GREB1: variants seen among roughly 807,000 people sequenced by gnomAD.
The protein encoded by GREB1 is growth regulating estrogen receptor binding 1, also known as protein GREB1.
A neutral mutation model predicts 200.7 loss-of-function variants in GREB1; 106 were observed. The ratio of observed to expected loss-of-function variants is 0.53; its 90% CI spans 0.45 to 0.62. GREB1 has a LOEUF of 0.62. Among genes scored for constraint, GREB1 ranks in the 20% least tolerant of loss-of-function variants. GREB1 has a pLI of 0.00. For synonymous variants in GREB1, 1,132 were observed against 1,092.4 expected, an observed-to-expected ratio of 1.04 and a Z score of -0.72; for missense variants, 2,243 against 2,556.8, an observed-to-expected ratio of 0.88 and a Z score of 2.65.
At chr2:11,569,157 T>C (rs1415097976) in intron 4 of GREB1, among the ~76,000 whole-genome samples, 5 of 152,214 alleles carry the variant, frequency 3.3e-5, no homozygotes, top group Admixed American at 3.3e-4. Context: ...GTAATTTATC[T>C]AAATGGGTTG....
rs1204382039 is a variant in GREB1 at position 11,513,299 on chromosome 2, G to T, written c.-159+30918G>T. On this transcript the variant is annotated intron_variant, in intron 1 of 2. Coordinates refer to the GREB1 transcript ENST00000628795. ...GGGTGGGCGTCTCTCCCTTGTCCTTGTGTGGGAACAGTAAGGATGTGTATG... is the reference window on the plus strand; with the variant it reads ...GGGTGGGCGTCTCTCCCTTGTCCTTTTGTGGGAACAGTAAGGATGTGTATG... 2.0e-5 allele frequency among the ~76,000 whole-genome samples: 3 copies of T among 152,248 alleles called. No individual in the cohort carries two copies. The South Asian group carries it at 6.2e-4, about 32-fold the overall frequency.
chr2:11,499,853 G>C (rs1288376291), intron 1 of GREB1, among the ~76,000 whole-genome samples: 1 of 152,136 alleles, frequency 6.6e-6, no homozygotes, highest in African/African-American at 2.4e-5. Context: ...TGTCATTACT[G>C]TAAGCATTCT....
chr2:11,484,670 A>C (rs1348969079), intron 1 of GREB1, among the ~76,000 whole-genome samples: 1 of 151,954 alleles, frequency 6.6e-6, no homozygotes, highest in African/African-American at 2.4e-5. Context: ...CTGTAGTCCT[A>C]GCACTTGGAG....
rs1304177888 is a variant in GREB1, at chr2:11,548,451, T to C, written c.-161-8003T>C. Among the ~76,000 whole-genome samples, 4 of 152,228 alleles carry C rather than the reference T, an allele frequency of 2.6e-5. No individual in the cohort carries two copies. Among genetic ancestry groups the C allele is most frequent in the Non-Finnish European group, 5.9e-5 (4 of 68,048 alleles). ...TTCCAAAATAGTTATATCAAAACTT[T>C]GTTTGAATCAGCACTCACCATAGAC... On this transcript the variant is annotated intron_variant, in intron 1 of 32. Transcript: ENST00000381486. This position sits in a 1 kb window ranked among gnomAD's most constrained non-coding sequence, Gnocchi z 5.1.
chr2:11,561,806 AT>A (rs1284896868), intron 2 of GREB1: 3 of 152,252 alleles, frequency 2.0e-5, no homozygotes, highest in Non-Finnish European at 4.4e-5. Flanking sequence ...GCTGTCTTGT[AT>A]TGTGTAAAGC....
At chr2:11,557,298 T>C (rs1276064872) in intron 2 of GREB1, among the ~76,000 whole-genome samples, 1 of 152,236 alleles carries the variant, frequency 6.6e-6, no homozygotes, top group Admixed American at 6.5e-5. Flanking sequence ...TATGCAGAGA[T>C]TGAAATGATT....
At chr2:11,498,162 G>A (rs1672938625) in intron 1 of GREB1, among the ~76,000 whole-genome samples, 1 of 151,388 alleles carries the variant, frequency 6.6e-6, no homozygotes, top group Non-Finnish European at 1.5e-5. Flanking sequence ...TACTTTTGAT[G>A]TCAAATTTTA....
chr2:11,642,240 T>C lies in GREB1; in HGVS notation c.*1786T>C, dbSNP rs1003864447. 6 of 151,978 alleles carry C rather than the reference T, an allele frequency of 3.9e-5. No homozygotes were observed. The highest frequency in any genetic ancestry group is 1.4e-4 in the African/African-American group (6 of 41,386). The allele number at this position is 151,978 out of a possible 1,614,324, so 9.4% of individuals were successfully genotyped here. A position where few individuals can be genotyped will look rare whatever the true frequency, so the allele number is the denominator to read the frequency against. ...TTCAAGTGATTCTCCAGCCTCAGCC[T>C]CCCGAGTAGCTGGGATTATGGGCGC... On this transcript the variant is annotated 3_prime_UTR_variant, in exon 33 of 33. Coordinates refer to ENST00000381486, the MANE Select transcript of GREB1 (RefSeq NM_014668.4).
upstream of GREB1, among the ~76,000 whole-genome samples, chr2:11,533,633 A>G (rs1674158133): frequency 1.3e-5 from 2 of 152,210 alleles, no homozygotes; most frequent in South Asian, 4.1e-4. Flanking sequence ...ATTGCTACCA[A>G]CAAAACCCAA....
In GREB1 at chr2:11,492,158, C is replaced by G. The variant is rs987887560; in HGVS notation, c.-159+9777C>G. The stretch of plus-strand genomic sequence containing the variant: ...GTTTCCATGGTCATTTAACGTGGCA[C>G]TTTACTCTGGGATTGTTCACCTAGC... On this transcript the variant is annotated intron_variant, in intron 1 of 2. Coordinates refer to the GREB1 transcript ENST00000628795. This position sits in a 1 kb window ranked among gnomAD's most constrained non-coding sequence, Gnocchi z 4.0. Among the ~76,000 whole-genome samples, 10 of 151,908 alleles carry G rather than the reference C, an allele frequency of 6.6e-5. No homozygotes were observed. Among genetic ancestry groups the G allele is most frequent in the African/African-American group, 2.4e-4 (10 of 41,180 alleles).
upstream of GREB1, among the ~76,000 whole-genome samples, chr2:11,529,086 A>G (rs1673980075): frequency 6.6e-6 from 1 of 152,226 alleles, no homozygotes; most frequent in Non-Finnish European, 1.5e-5. Context: ...AGAGTAATCT[A>G]AAGAATATTT....
chr2:11,539,791 C>T (rs1180572600), intron 1 of GREB1: 1 of 137,756 alleles, frequency 7.3e-6, no homozygotes, highest in African/African-American at 2.7e-5. Flanking sequence ...AGGGCTACTG[C>T]TGAATTTTTT....
chr2:11,568,330 G>T (rs919089172), intron 4 of GREB1, among the ~76,000 whole-genome samples: 1 of 152,238 alleles, frequency 6.6e-6, no homozygotes, highest in Non-Finnish European at 1.5e-5. Context: ...TGCCACAGAG[G>T]CGCTGGGGAC....
chr2:11,554,244 A>G (rs5020877), intron 1 of GREB1, among the ~76,000 whole-genome samples: 10,500 of 152,154 alleles, frequency 0.069, 363 homozygotes, highest in Middle Eastern at 0.095. Flanking sequence ...CCCACAGCTC[A>G]TTTCCCCAGG....
chr2:11,508,160 C>T (rs1198875245), intron 1 of GREB1, among the ~76,000 whole-genome samples: 1 of 152,208 alleles, frequency 6.6e-6, no homozygotes, highest in African/African-American at 2.4e-5. Flanking sequence ...CTCTTCCAGG[C>T]CCTTCAGCCT....
chr2:11,606,461 AT>A (rs1682302951), intron 17 of GREB1, among the ~76,000 whole-genome samples: 1 of 152,108 alleles, frequency 6.6e-6, no homozygotes, highest in Admixed American at 6.6e-5. Flanking sequence ...TTTATCTGCC[AT>A]TTGTGTATCA....
At chr2:11,605,097 TGCC>T (rs1325960375) in intron 17 of GREB1, among the ~76,000 whole-genome samples, 1 of 142,280 alleles carries the variant, frequency 7.0e-6, no homozygotes, top group Non-Finnish European at 1.5e-5. Context: ...TACATTTCTG[TGCC>T]TGACCTGGGG....
chr2:11,519,495 G>A (rs933324649), intron 1 of GREB1, among the ~76,000 whole-genome samples: 2 of 116,508 alleles, frequency 1.7e-5, no homozygotes, highest in Non-Finnish European at 3.2e-5. Context: ...CGCTCTTGTC[G>A]CCCAGGCTGG....
chr2:11,522,911 C>A (rs376883185), intron 1 of GREB1, among the ~76,000 whole-genome samples: 3 of 152,310 alleles, frequency 2.0e-5, no homozygotes, highest in African/African-American at 7.2e-5. Context: ...TGACATCTTC[C>A]AGTTAGAAAA....
Sources: gnomAD v4.1 joint callset for allele counts (sites outside exome capture counted in the v4.1 genomes callset) on GRCh38, gnomAD v4.1.1 for gene constraint, Gnocchi (gnomAD v3.1) non-coding constraint, MANE v1.5 for transcripts, NCBI Gene and HGNC (gene_info 2026-07-23, HGNC 2026-07-21) for gene names.